Variants in ZFX observed in about 807,000 individuals in gnomAD.
ZFX encodes zinc finger X-chromosomal protein.
For missense variants in ZFX, 362 were observed against 628.3 expected, an observed-to-expected ratio of 0.58 and a Z score of 4.53; for synonymous variants, 196 against 226.8, an observed-to-expected ratio of 0.86 and a Z score of 1.22.
chrX:24,194,558 A>G (rs1033385097), intron 5 of ZFX, among the ~76,000 whole-genome samples: 3 of 110,762 alleles, frequency 2.7e-5, no homozygotes, highest in African/African-American at 9.9e-5. Flanking sequence ...CCTGATCTAG[A>G]ATCACTGGGC....
intron 3 of ZFX, among the ~76,000 whole-genome samples, chrX:24,157,045 A>G (rs1932833872): frequency 9.0e-6 from 1 of 111,725 alleles, no homozygotes; most frequent in South Asian, 3.7e-4. Flanking sequence ...TTTTGGGGTT[A>G]GTTTGTCATT....
chrX:24,151,114 C>T (rs1365974638), intron 1 of ZFX, among the ~76,000 whole-genome samples: 1 of 112,045 alleles, frequency 8.9e-6, no homozygotes, highest in East Asian at 2.8e-4. Flanking sequence ...AGTTTCATCC[C>T]CTAACGTACT....
chrX:24,191,506 TC>T (rs1936523070), intron 5 of ZFX, among the ~76,000 whole-genome samples: 2 of 111,658 alleles, frequency 1.8e-5, no homozygotes, highest in African/African-American at 3.3e-5. Flanking sequence ...ACAGAATACT[TC>T]CTGCAAGTTA....
intron 3 of ZFX, among the ~76,000 whole-genome samples, chrX:24,160,071 G>C (rs1449526177): frequency 9.1e-6 from 1 of 110,204 alleles, no homozygotes; most frequent in Non-Finnish European, 1.9e-5. Context: ...GCCAGTAACT[G>C]CCTTTATTAT....
intron 4 of ZFX, among the ~76,000 whole-genome samples, chrX:24,175,071 C>G (rs904327471): frequency 2.1e-4 from 23 of 111,941 alleles, no homozygotes; most frequent in African/African-American, 6.8e-4. Context: ...ACTTGGGATA[C>G]TCTTTTAACT....
chrX:24,192,143 G>A (rs1936573652), intron 5 of ZFX, among the ~76,000 whole-genome samples: 1 of 111,848 alleles, frequency 8.9e-6, no homozygotes, highest in Admixed American at 9.5e-5. Context: ...AAGACTATTA[G>A]ACTTGCCATA....
chrX:24,165,388 G>A (rs1280323290), intron 3 of ZFX, among the ~76,000 whole-genome samples: 1 of 112,579 alleles, frequency 8.9e-6, no homozygotes, highest in Non-Finnish European at 1.9e-5. Context: ...CAAAGTGCTG[G>A]GATTATAGGC....
chrX:24,207,978 C>A, intron 7 of ZFX, 123 bp downstream of exon 7: 1 of 950,482 alleles, frequency 1.1e-6, no homozygotes, highest in Non-Finnish European at 1.4e-6. Context: ...AGGGAAACAT[C>A]TTTGACTCTT....
intron 5 of ZFX, among the ~76,000 whole-genome samples, chrX:24,200,235 G>A (rs2254721): frequency 0.41 from 45,351 of 109,836 alleles, 6,844 homozygotes; most frequent in South Asian, 0.77. Flanking sequence ...AGACATTTGA[G>A]GGGAGATGAG....
chrX:24,182,548 G>C (rs1234617630), intron 5 of ZFX, among the ~76,000 whole-genome samples: 1 of 111,669 alleles, frequency 9.0e-6, no homozygotes, highest in Non-Finnish European at 1.9e-5. Flanking sequence ...GAGGTCATTG[G>C]TATCTAAATT....
chrX:24,206,500 CGTGTGTGT>C (rs774457469), intron 5 of ZFX, among the ~76,000 whole-genome samples: 2,450 of 59,573 alleles, frequency 0.041, 73 homozygotes, highest in Admixed American at 0.097. Flanking sequence ...CCATGCCTGG[CGTGTGTGT>C]GTGTGTGTGT....
Position 24,213,841 on chromosome X carries a change from G to C in ZFX, c.*2465G>C, listed in dbSNP as rs891807960. The C allele has an allele frequency of 9.1e-6, 1 of 110,346 alleles. No homozygotes were observed. Among genetic ancestry groups the C allele is most frequent in the African/African-American group, 3.3e-5 (1 of 30,254 alleles). The allele number at this position is 110,346 out of a possible 1,213,427, so 9.1% of individuals were successfully genotyped here. On this transcript the variant is annotated 3_prime_UTR_variant, in exon 10 of 10. Coordinates refer to ENST00000304543, the MANE Select transcript of ZFX (RefSeq NM_003410.4). ...ATGTAAAAACACTTAAATGAAAGTGGAAATGTATTAATTTTAAATCCTATA... is the reference window on the plus strand; with the variant it reads ...ATGTAAAAACACTTAAATGAAAGTGCAAATGTATTAATTTTAAATCCTATA...
At chrX:24,177,781 GA>G in intron 4 of ZFX, 3 of 751,644 alleles carry the variant, frequency 4.0e-6, no homozygotes, top group South Asian at 1.4e-4. Context: ...AGGGAGAAAG[GA>G]AAAAAAATAG....
chrX:24,190,997 A>C (rs1441495820), intron 5 of ZFX, among the ~76,000 whole-genome samples: 1 of 111,908 alleles, frequency 8.9e-6, no homozygotes, highest in Admixed American at 9.5e-5. Flanking sequence ...AGTAGCATCC[A>C]TTGGGCTAGC....
At chrX:24,173,486 G>T in intron 4 of ZFX, 2 of 977,399 alleles carry the variant, frequency 2.0e-6, no homozygotes, top group Non-Finnish European at 2.6e-6. Context: ...TTATACTCAG[G>T]AAGTTCTAAA....
rs45445095 is a variant in ZFX, at chrX:24,179,316, C to A, written c.192C>A (p.Ile64=). 7.0e-3 allele frequency: 8,459 copies of A among 1,210,160 alleles called. 42 individuals are homozygous for A. The highest frequency in any genetic ancestry group is 7.1e-3 in the Non-Finnish European group (6,362 of 895,273). ...CTGATGACCCAGATTCAGTTGTAAT[C>A]CAAGATGTTATTGAGGACGTTGTTA... ...FVPDDPDSVV[I]QDVIEDVVIE... Residue 64 remains isoleucine, a synonymous_variant, in exon 5 of 10, where the codon ATC becomes ATA. Transcript: ENST00000304543.
chrX:24,204,364 A>G (rs931343383), intron 5 of ZFX, among the ~76,000 whole-genome samples: 17 of 112,126 alleles, frequency 1.5e-4, no homozygotes, highest in Non-Finnish European at 2.6e-4. Flanking sequence ...TGTTCTGTGT[A>G]AGAATTTTGA....
chrX:24,176,688 TC>T (rs1297121024), intron 4 of ZFX, among the ~76,000 whole-genome samples: 1 of 110,708 alleles, frequency 9.0e-6, no homozygotes, highest in Non-Finnish European at 1.9e-5. Context: ...CACCTTGGCC[TC>T]CCTAAGTGCT....
intron 5 of ZFX, among the ~76,000 whole-genome samples, chrX:24,186,722 C>G (rs1936143290): frequency 8.9e-6 from 1 of 111,844 alleles, no homozygotes; most frequent in East Asian, 2.8e-4. Flanking sequence ...TATATAGACA[C>G]AGATGTTCAT....
Sources: allele counts gnomAD v4.1 joint callset (sites outside exome capture counted in the v4.1 genomes callset), GRCh38; gene constraint gnomAD v4.1.1; transcripts MANE v1.5; gene names NCBI Gene and HGNC (gene_info 2026-07-23, HGNC 2026-07-21).